OSBPL10: variants seen among roughly 807,000 people sequenced by gnomAD.
The protein encoded by OSBPL10 is oxysterol-binding protein-related protein 10.
A neutral mutation model predicts 81.7 loss-of-function variants in OSBPL10; 49 were observed. The observed-to-expected ratio is 0.60, with a 90% confidence interval of 0.48 to 0.76. The LOEUF (loss-of-function observed/expected upper bound fraction) is 0.76. OSBPL10 is among the 30% of genes least tolerant of loss of function. The probability of loss-of-function intolerance (pLI) is 0.00; values close to 1 mark genes in which losing one functional copy is unlikely to be tolerated. For synonymous variants in OSBPL10, 419 were observed against 383.6 expected (o/e 1.09, Z -1.08); for missense variants, 923 against 987.8 (o/e 0.93, Z 0.88).
At chr3:31,984,026 TTTTTTG>T (rs369416472), upstream of OSBPL10, among the ~76,000 whole-genome samples, 14 of 151,926 alleles carry the variant, frequency 9.2e-5, no homozygotes, top group East Asian at 3.9e-4. Context: ...CTAAGGGGTT[TTTTTTG>T]TTTTTGTTTT....
At chr3:31,750,895 A>T (rs1398651212) in intron 4 of OSBPL10, among the ~76,000 whole-genome samples, 1 of 152,214 alleles carries the variant, frequency 6.6e-6, no homozygotes, top group Non-Finnish European at 1.5e-5. Flanking sequence ...TATTTCATAA[A>T]CAGAAGACAT....
chr3:31,766,723 G>C (rs1225217660), intron 4 of OSBPL10, among the ~76,000 whole-genome samples: 1 of 152,150 alleles, frequency 6.6e-6, no homozygotes, highest in Non-Finnish European at 1.5e-5. Flanking sequence ...AGATTTGTAG[G>C]TCAACTGGAA....
chr3:32,008,752 C>T (rs1165992077), intron 2 of OSBPL10, among the ~76,000 whole-genome samples: 2 of 126,442 alleles, frequency 1.6e-5, no homozygotes, highest in Non-Finnish European at 3.1e-5. Flanking sequence ...AGAGTGAGAT[C>T]CTGACTGGAA....
chr3:31,707,924 T>C (rs546309601), intron 6 of OSBPL10, among the ~76,000 whole-genome samples: 42 of 151,930 alleles, frequency 2.8e-4, no homozygotes, highest in Non-Finnish European at 3.8e-4. Context: ...AGTTGAGACA[T>C]AGATAGAGGC....
At chr3:31,871,838 G>A (rs1701334190) in intron 3 of OSBPL10, among the ~76,000 whole-genome samples, 1 of 152,128 alleles carries the variant, frequency 6.6e-6, no homozygotes, top group Non-Finnish European at 1.5e-5. Context: ...GCCAGCTTGA[G>A]CAACAGAATG....
chr3:31,849,962 G>T (rs1402252929), intron 3 of OSBPL10, among the ~76,000 whole-genome samples: 1 of 152,074 alleles, frequency 6.6e-6, no homozygotes, highest in Non-Finnish European at 1.5e-5. Context: ...GTTGGGAGTT[G>T]GACACCAGCC....
At chr3:31,776,340 T>C (rs188427478) in intron 4 of OSBPL10, among the ~76,000 whole-genome samples, 4 of 152,236 alleles carry the variant, frequency 2.6e-5, no homozygotes, top group Admixed American at 2.6e-4. Context: ...TGTGGAGGAA[T>C]TGGAACCTTC....
chr3:31,763,578 G>A (rs1698121018), intron 4 of OSBPL10, among the ~76,000 whole-genome samples: 1 of 152,178 alleles, frequency 6.6e-6, no homozygotes, highest in Non-Finnish European at 1.5e-5. Flanking sequence ...GAGCTTGATA[G>A]CATATACAAA....
intron 7 of OSBPL10, among the ~76,000 whole-genome samples, chr3:31,686,908 G>C (rs1325249304): frequency 6.6e-6 from 1 of 152,122 alleles, no homozygotes; most frequent in Non-Finnish European, 1.5e-5. Context: ...CAATAGCAGA[G>C]TAAATAACCC....
intron 1 of OSBPL10, among the ~76,000 whole-genome samples, chr3:32,059,338 C>T (rs1443230687): frequency 2.6e-5 from 4 of 151,896 alleles, no homozygotes; most frequent in Non-Finnish European, 5.9e-5. Flanking sequence ...CCTGTAATCC[C>T]ACCACTTTGG....
At chr3:31,767,548 T>A (rs1395454460) in intron 4 of OSBPL10, among the ~76,000 whole-genome samples, 1 of 151,256 alleles carries the variant, frequency 6.6e-6, no homozygotes, top group Non-Finnish European at 1.5e-5. Flanking sequence ...CAGTTCTTCA[T>A]GAAGCCTTCC....
Position 31,662,419 on chromosome 3 carries a change from G to A in OSBPL10, c.2251-303C>T, listed in dbSNP as rs562004591. ...AAAAAAAGAAGCACTTTGACAGTGG[G>A]ACAAGAGAAAAGGAGAGTAGCTAGA... On this transcript the variant is annotated intron_variant, in intron 11 of 11. Coordinates refer to ENST00000396556, the MANE Select transcript of OSBPL10 (RefSeq NM_017784.5). The A allele has an allele frequency of 8.0e-6, 9 of 1,125,090 alleles. No homozygotes were observed. In the South Asian group the frequency reaches 2.6e-4, roughly 33 times the overall value. 69.7% of individuals were successfully genotyped at this position (1,125,090 alleles called of 1,614,324 possible).
Position 31,853,939 on chromosome 3 carries a change from T to G in OSBPL10, c.537+22494A>C, listed in dbSNP as rs1182080295. Among the ~76,000 whole-genome samples the G allele has an allele frequency of 3.9e-5, 6 of 152,330 alleles. No individual in the cohort carries two copies. In the East Asian group the frequency reaches 9.6e-4, roughly 24 times the overall value. The stretch of plus-strand genomic sequence containing the variant: ...GTTTCAGGGTTTTATCCTCATTGCC[T>G]ATTTAAAAAGCAAGACATATCTTAT... On this transcript the variant is annotated intron_variant, in intron 3 of 11. Coordinates refer to ENST00000396556, the MANE Select transcript of OSBPL10 (RefSeq NM_017784.5).
chr3:31,690,492 T>A (rs1202709219), intron 7 of OSBPL10, among the ~76,000 whole-genome samples: 1 of 152,162 alleles, frequency 6.6e-6, no homozygotes, highest in African/African-American at 2.4e-5. Context: ...TACTGTAGAT[T>A]GGAAAATGTT....
rs534135335 is a variant in OSBPL10 at position 32,064,183 on chromosome 3, C to T, written n.185+13213G>A. The T allele has an allele frequency of 4.3e-5, 4 of 92,882 alleles. 1 individual carries two copies. The highest frequency in any genetic ancestry group is 5.8e-5 in the Non-Finnish European group (2 of 34,616). 5.8% of individuals were successfully genotyped at this position (92,882 alleles called of 1,614,324 possible). A position where few individuals can be genotyped will look rare whatever the true frequency, so the allele number is the denominator to read the frequency against. ...TCACCAATGTTGCCCAGACTGGAGT[C>T]GAACTCCTGGGCTCAAGCCATCCAT... On this transcript the variant is annotated intron_variant and non_coding_transcript_variant, in intron 1 of 3. Coordinates refer to the OSBPL10 transcript ENST00000479173.
At chr3:31,836,794 T>G (rs1415641061) in intron 3 of OSBPL10, among the ~76,000 whole-genome samples, 1 of 152,230 alleles carries the variant, frequency 6.6e-6, no homozygotes, top group Non-Finnish European at 1.5e-5. Context: ...CCACACCATT[T>G]GCTTGGGGCC....
At chr3:31,736,002 G>A (rs528391278) in intron 5 of OSBPL10, among the ~76,000 whole-genome samples, 85 of 152,152 alleles carry the variant, frequency 5.6e-4, no homozygotes, top group African/African-American at 1.9e-3. Context: ...TGAAGAAATC[G>A]GAGACAGAAA....
chr3:31,739,709 C>T (rs1230891343), intron 5 of OSBPL10, among the ~76,000 whole-genome samples: 1 of 152,200 alleles, frequency 6.6e-6, no homozygotes. Context: ...CTTTTGGCCC[C>T]AGGCTGGACT....
intron 3 of OSBPL10, among the ~76,000 whole-genome samples, chr3:31,862,925 C>G (rs1701094009): frequency 6.6e-6 from 1 of 152,020 alleles, no homozygotes; most frequent in African/African-American, 2.4e-5. Flanking sequence ...AATATACACC[C>G]AAAAGAATTT....
Sources: gnomAD v4.1 joint callset for allele counts (sites outside exome capture counted in the v4.1 genomes callset) on GRCh38, gnomAD v4.1.1 for gene constraint, MANE v1.5 for transcripts, NCBI Gene and HGNC (gene_info 2026-07-23, HGNC 2026-07-21) for gene names.